Variants in PTPRZ1 observed in about 807,000 individuals in gnomAD.
The protein encoded by PTPRZ1 is receptor-type tyrosine-protein phosphatase zeta.
PTPRZ1 carries 82 observed loss-of-function variants against 214.1 expected under a neutral mutation model. That is an observed-to-expected ratio of 0.38 (90% CI 0.32 to 0.46). The LOEUF (loss-of-function observed/expected upper bound fraction) is 0.46. Ranked by LOEUF, PTPRZ1 falls within the 20% of genes least tolerant of loss-of-function variation. The pLI is 1.00. For missense variants in PTPRZ1, 2,603 were observed against 2,748.7 expected, an observed-to-expected ratio of 0.95 and a Z score of 1.19; for synonymous variants, 945 against 987.9, an observed-to-expected ratio of 0.96 and a Z score of 0.81.
rs916432530 is a variant in PTPRZ1 at position 121,909,414 on chromosome 7, G to T, written c.59-18742G>T. On this transcript the variant is annotated intron_variant, in intron 1 of 29. Transcript: ENST00000393386. ...ACTGGAATGAGAGGATTTCGGGGAGGAAAGTGGAAATTCTATATTACTTAT... is the reference window on the plus strand; with the variant it reads ...ACTGGAATGAGAGGATTTCGGGGAGTAAAGTGGAAATTCTATATTACTTAT... 3.9e-5 allele frequency among the ~76,000 whole-genome samples: 6 copies of T among 152,100 alleles called. No individual in the cohort carries two copies. In the South Asian group the frequency reaches 1.2e-3, roughly 32 times the overall value.
intron 22 of PTPRZ1, among the ~76,000 whole-genome samples, chr7:122,043,194 G>A (rs1181515455): frequency 1.3e-5 from 2 of 152,098 alleles, no homozygotes; most frequent in Non-Finnish European, 1.5e-5. Flanking sequence ...TTTGTGGGGG[G>A]ACACCATTCA....
chr7:122,017,317 C>T (rs1368735586), intron 12 of PTPRZ1, among the ~76,000 whole-genome samples: 1 of 152,034 alleles, frequency 6.6e-6, no homozygotes, highest in Non-Finnish European at 1.5e-5. Flanking sequence ...ATGGCCAGAG[C>T]TTAGGATTAA....
chr7:121,994,411 C>T (rs1470233285), intron 8 of PTPRZ1, among the ~76,000 whole-genome samples: 4 of 150,700 alleles, frequency 2.7e-5, no homozygotes, highest in African/African-American at 9.7e-5. Flanking sequence ...TCTCCTGCCT[C>T]AGCCTCCCGA....
chr7:121,918,728 GAAAACA>G, intron 1 of PTPRZ1, among the ~76,000 whole-genome samples: 2 of 151,246 alleles, frequency 1.3e-5, no homozygotes, highest in Admixed American at 1.3e-4. Flanking sequence ...TGGAAAACCT[GAAAACA>G]TATGAAAAAA....
intron 10 of PTPRZ1, among the ~76,000 whole-genome samples, chr7:121,999,297 G>A (rs1430523784): frequency 6.6e-6 from 1 of 151,950 alleles, no homozygotes; most frequent in Non-Finnish European, 1.5e-5. Flanking sequence ...ATTTTTTAAT[G>A]GAATGTGAGC....
intron 1 of PTPRZ1, among the ~76,000 whole-genome samples, chr7:121,916,557 A>C (rs1795435275): frequency 6.6e-6 from 1 of 152,238 alleles, no homozygotes; most frequent in South Asian, 2.1e-4. Flanking sequence ...AATTGTGTAT[A>C]AAAAGTAACT....
chr7:121,964,711 G>A (rs1796990690), intron 2 of PTPRZ1, among the ~76,000 whole-genome samples: 1 of 152,180 alleles, frequency 6.6e-6, no homozygotes, highest in Non-Finnish European at 1.5e-5. Context: ...TACCAAGGGA[G>A]GAAGTATACT....
chr7:122,026,544 G>T (rs1297557208), intron 13 of PTPRZ1, among the ~76,000 whole-genome samples: 18 of 152,140 alleles, frequency 1.2e-4, no homozygotes, highest in Admixed American at 1.2e-3. Context: ...GCCTTCTGTA[G>T]GATAGTTTCT....
At chr7:121,970,776 T>C (rs1434578320) in intron 3 of PTPRZ1, among the ~76,000 whole-genome samples, 1 of 152,198 alleles carries the variant, frequency 6.6e-6, no homozygotes, top group East Asian at 1.9e-4. Flanking sequence ...GATGGTAGTT[T>C]CTTTTGCTGT....
chr7:122,056,661 A>G (rs1447105123), intron 27 of PTPRZ1, among the ~76,000 whole-genome samples: 1 of 151,818 alleles, frequency 6.6e-6, no homozygotes, highest in African/African-American at 2.4e-5. Flanking sequence ...TGTTTATATT[A>G]TATGTGCAAG....
At chr7:121,989,985 A>C (rs1797899465) in intron 8 of PTPRZ1, among the ~76,000 whole-genome samples, 1 of 151,938 alleles carries the variant, frequency 6.6e-6, no homozygotes, top group African/African-American at 2.4e-5. Context: ...CTGTTTACTG[A>C]TTTTTTTTAC....
At chr7:121,954,463 T>C (rs964810037) in intron 2 of PTPRZ1, among the ~76,000 whole-genome samples, 5 of 152,226 alleles carry the variant, frequency 3.3e-5, no homozygotes, top group African/African-American at 4.8e-5. Context: ...TTACCTTCAG[T>C]TGGATACCTG....
At chr7:122,059,687 GAGT>G in intron 28 of PTPRZ1, 63 bp from the exon 29 acceptor site, 1 of 1,516,326 alleles carries the variant, frequency 6.6e-7, no homozygotes. Flanking sequence ...TATGCTTTGT[GAGT>G]TCTAAATGTG....
At chr7:122,043,917 A>G (rs978065833) in intron 22 of PTPRZ1, among the ~76,000 whole-genome samples, 10 of 152,236 alleles carry the variant, frequency 6.6e-5, no homozygotes, top group Admixed American at 2.6e-4. Flanking sequence ...AACTTAAAAT[A>G]AACATTAAAA....
At position 122,010,536 on chromosome 7, in the gene PTPRZ1, A is replaced by C. The variant is rs764490062; in HGVS notation, c.1490A>C (p.Asn497Thr). The part of the protein sequence containing the change: ...SEFSGKGDVP[N>T]TSLNSTSQPV... ...TTCTCTGGAAAGGGTGATGTTCCCA[A>C]TACATCTTTAAATTCCACTTCCCAA... Residue 497 changes from asparagine to threonine, a missense_variant, in exon 12 of 30, where the codon AAT becomes ACT. Coordinates refer to ENST00000393386, the MANE Select transcript of PTPRZ1 (RefSeq NM_002851.3). 4 of 1,613,656 alleles carry C rather than the reference A, an allele frequency of 2.5e-6. No homozygotes were observed. Among genetic ancestry groups the C allele is most frequent in the Non-Finnish European group, 2.5e-6 (3 of 1,179,588 alleles).
At chr7:121,962,962 A>G (rs1313465868) in intron 2 of PTPRZ1, among the ~76,000 whole-genome samples, 1 of 151,986 alleles carries the variant, frequency 6.6e-6, no homozygotes, top group East Asian at 1.9e-4. Flanking sequence ...TGCATGAAGA[A>G]TCTCAAGTTC....
chr7:121,948,911 C>T (rs1052921602), intron 2 of PTPRZ1, among the ~76,000 whole-genome samples: 3 of 152,068 alleles, frequency 2.0e-5, no homozygotes, highest in Admixed American at 1.3e-4. Flanking sequence ...AGTGTTACTT[C>T]CTGTGAACCC....
At chr7:121,900,208 C>T (rs1794917031) in intron 1 of PTPRZ1, among the ~76,000 whole-genome samples, 1 of 152,086 alleles carries the variant, frequency 6.6e-6, no homozygotes, top group South Asian at 2.1e-4. Flanking sequence ...TGAACTGAAA[C>T]TAGATGCTGA....
chr7:121,965,078 T>C (rs1797005326), intron 2 of PTPRZ1, among the ~76,000 whole-genome samples: 1 of 152,234 alleles, frequency 6.6e-6, no homozygotes, highest in Non-Finnish European at 1.5e-5. Context: ...AAGTGTACTT[T>C]AGTTACTGAG....
Sources: allele counts gnomAD v4.1 joint callset (sites outside exome capture counted in the v4.1 genomes callset), GRCh38; gene constraint gnomAD v4.1.1; transcripts MANE v1.5; gene names NCBI Gene and HGNC (gene_info 2026-07-23, HGNC 2026-07-21).